C7: variants seen among roughly 807,000 people sequenced by gnomAD.
The protein encoded by C7 is complement C7, also known as complement component C7.
A neutral mutation model predicts 104.8 loss-of-function variants in C7; 83 were observed. That is an observed-to-expected ratio of 0.79 (90% CI 0.66 to 0.95). The LOEUF (loss-of-function observed/expected upper bound fraction) is 0.95. Ranked by LOEUF, C7 falls within the 40% of genes least tolerant of loss-of-function variation. The probability of loss-of-function intolerance (pLI) is 0.00; values close to 1 mark genes in which losing one functional copy is unlikely to be tolerated. For synonymous variants in C7, 415 were observed against 360.6 expected, an observed-to-expected ratio of 1.15 and a Z score of -1.71; for missense variants, 1,070 against 1,011.2, an observed-to-expected ratio of 1.06 and a Z score of -0.79.
At chr5:40,943,625 C>A (rs906298489) in intron 6 of C7, among the ~76,000 whole-genome samples, 1 of 148,954 alleles carries the variant, frequency 6.7e-6, no homozygotes. Flanking sequence ...AGATAATAAA[C>A]TAAATATTTT....
At chr5:40,981,321 T>C in intron 17 of C7, 71 bp from the exon 18 acceptor site, 2 of 1,370,856 alleles carry the variant, frequency 1.5e-6, no homozygotes, top group East Asian at 2.5e-5. Flanking sequence ...CATTATTACT[T>C]TGGAGGTGAT....
Position 40,934,486 on chromosome 5 carries a change from C to T in C7, c.280+20C>T, listed in dbSNP as rs1021163289. The stretch of plus-strand genomic sequence containing the variant: ...TTTCAGGTAACTTGTTTTCCATAGG[C>T]TCAGCATGCAGATTGTAAATTCAAA... On this transcript the variant is annotated intron_variant, in intron 4 of 17. Transcript: ENST00000313164. 6.2e-7 allele frequency: 1 copy of T among 1,611,370 alleles called. No individual in the cohort carries two copies. The highest frequency in any genetic ancestry group is 8.5e-7 in the Non-Finnish European group (1 of 1,178,120).
intron 4 of C7, 147 bp downstream of exon 4, chr5:40,934,613 A>T: frequency 1.3e-6 from 1 of 788,010 alleles, no homozygotes; most frequent in Non-Finnish European, 2.1e-6. Flanking sequence ...TTTTGTTGGT[A>T]TGTTAATCAT....
Position 40,937,647 on chromosome 5 carries a change from A to C in C7, c.524A>C (p.Asp175Ala). The change falls in exon 6 of 18, where the codon GAT becomes GCT. Residue 175 changes from aspartate to alanine, a missense_variant. Physicochemically the swap from Asp to Ala is moderately radical, Grantham distance 126. Coordinates refer to ENST00000313164, the MANE Select transcript of C7 (RefSeq NM_000587.4). Reference sequence around the variant, plus strand: ...AAGGTGTTTAGTGGGGATGGAAAAGATTTCTACAGGCTGAGTGGAAATGTC... The same window carrying C: ...AAGGTGTTTAGTGGGGATGGAAAAGCTTTCTACAGGCTGAGTGGAAATGTC... The part of the protein sequence containing the change: ...CRKVFSGDGK[D>A]FYRLSGNVLS... The C allele has an allele frequency of 1.2e-6, 2 of 1,608,164 alleles. No individual in the cohort carries two copies. The highest frequency in any genetic ancestry group is 1.7e-6 in the Non-Finnish European group (2 of 1,176,670).
chr5:40,919,720 TA>T (rs1363030695), intron 1 of C7, among the ~76,000 whole-genome samples: 1 of 151,924 alleles, frequency 6.6e-6, no homozygotes, highest in Non-Finnish European at 1.5e-5. Context: ...CAACAACCAA[TA>T]GGTCAATGAA....
At position 40,959,566 on chromosome 5, in the gene C7, T is replaced by C. The variant is rs767888015; in HGVS notation, c.1607T>C (p.Val536Ala). Residue 536 changes from valine (V) to alanine (A), a missense_variant, in exon 12 of 18, where the codon GTT becomes GCT. Coordinates refer to ENST00000313164, the MANE Select transcript of C7 (RefSeq NM_000587.4). ...PPPSGGGRSC[V>A]GETTESTQCE... ...CCCAGTGGGGGTGGGAGATCCTGCG[T>C]TGGAGAAACGACAGAAAGCACACAA... is the stretch of plus-strand genomic sequence containing the variant. 6.8e-6 allele frequency: 11 copies of C among 1,609,686 alleles called. No individual in the cohort carries two copies. Among genetic ancestry groups the C allele is most frequent in the African/African-American group, 6.7e-5 (5 of 74,714 alleles).
intron 1 of C7, among the ~76,000 whole-genome samples, chr5:40,917,968 C>A (rs1739354934): frequency 6.6e-6 from 1 of 152,022 alleles, no homozygotes; most frequent in African/African-American, 2.4e-5. Flanking sequence ...GAGTTGTATG[C>A]AAAGTTAAGT....
chr5:40,947,306 G>C (rs1441564898), intron 7 of C7, among the ~76,000 whole-genome samples: 3 of 151,546 alleles, frequency 2.0e-5, no homozygotes, highest in Non-Finnish European at 4.4e-5. Flanking sequence ...CATCATGTTG[G>C]CCAGGCTGGT....
rs1338856752 is a variant in C7 at position 40,947,804 on chromosome 5, G to A, written c.941G>A (p.Arg314Lys). 14 of 1,613,212 alleles carry A rather than the reference G, an allele frequency of 8.7e-6. No individual in the cohort carries two copies. The highest frequency in any genetic ancestry group is 1.3e-5 in the African/African-American group (1 of 74,880). The change falls in exon 8 of 18, where the codon AGA (arginine) becomes AAA (lysine). Residue 314 changes from arginine (R) to lysine (K), a missense_variant. By Grantham distance (26) the Arg-to-Lys change is conservative (BLOSUM62 2). Coordinates refer to ENST00000313164, the MANE Select transcript of C7 (RefSeq NM_000587.4). ...TCTGGGTCGTTAGGAGGAGAATACAGAGTTCTATTTTATGTGGACTCAGAA... is the reference window on the plus strand; with the variant it reads ...TCTGGGTCGTTAGGAGGAGAATACAAAGTTCTATTTTATGTGGACTCAGAA... ...LQSGSLGGEY[R>K]VLFYVDSEKL...
rs560328365 is a variant in C7, at chr5:40,983,379, G to A, written c.*1806G>A. ...CCTTCCTAAATAATACAGAGGATATGGTCAGCATTATCACATATCATCAGA... is the reference window on the plus strand; with the variant it reads ...CCTTCCTAAATAATACAGAGGATATAGTCAGCATTATCACATATCATCAGA... On this transcript the variant is annotated 3_prime_UTR_variant, in exon 18 of 18. Transcript: ENST00000313164. Among the ~76,000 whole-genome samples, 42 of 152,064 alleles carry A rather than the reference G, an allele frequency of 2.8e-4. No homozygotes were observed. The highest frequency in any genetic ancestry group is 5.0e-4 in the Non-Finnish European group (34 of 68,024).
At chr5:40,919,231 C>T (rs1282916577) in intron 1 of C7, among the ~76,000 whole-genome samples, 2 of 151,380 alleles carry the variant, frequency 1.3e-5, no homozygotes, top group Non-Finnish European at 2.9e-5. Context: ...TCAAGTGATT[C>T]TCCCACCTCA....
At chr5:40,939,165 C>T (rs1365022680) in intron 6 of C7, among the ~76,000 whole-genome samples, 2 of 152,228 alleles carry the variant, frequency 1.3e-5, no homozygotes. Context: ...CTCCAGAAAG[C>T]AGCTTTGATT....
intron 9 of C7, 123 bp from the exon 10 acceptor site, chr5:40,955,264 C>G: frequency 1.1e-6 from 1 of 878,994 alleles, no homozygotes; most frequent in East Asian, 2.5e-5. Context: ...TCCCTTCTTT[C>G]TGACCACAAT....
At chr5:40,972,026 G>C (rs570314268) in intron 14 of C7, 29 of 459,184 alleles carry the variant, frequency 6.3e-5, no homozygotes, top group Admixed American at 1.2e-4. Flanking sequence ...ATATCCAACT[G>C]GATGAAAGTT....
At chr5:40,969,574 G>A (rs1252544992) in intron 14 of C7, among the ~76,000 whole-genome samples, 1 of 152,178 alleles carries the variant, frequency 6.6e-6, no homozygotes, top group African/African-American at 2.4e-5. Flanking sequence ...TTATGTCTGG[G>A]TTATCTCTAT....
At chr5:40,913,553 G>A (rs1465018521) in intron 1 of C7, among the ~76,000 whole-genome samples, 1 of 152,080 alleles carries the variant, frequency 6.6e-6, no homozygotes, top group Non-Finnish European at 1.5e-5. Context: ...GGAGAGTAAT[G>A]GTGCAATCAT....
chr5:40,958,145 G>C lies in C7; in HGVS notation c.1373G>C (p.Arg458Pro), dbSNP rs369303619. 1 of 1,613,686 alleles carries C rather than the reference G, an allele frequency of 6.2e-7. No homozygotes were observed. Among genetic ancestry groups the C allele is most frequent in the South Asian group, 1.1e-5 (1 of 91,068 alleles). ...GATGAATTTGACCCCTGTCATTGCC[G>C]GCCTTGTCAAAATGGTGGTTTGGCT... ...YLDEFDPCHCRPCQNGGLATV... is the reference protein window; with the variant it reads ...YLDEFDPCHCPPCQNGGLATV... The change falls in exon 11 of 18, where the codon CGG becomes CCG. Residue 458 changes from arginine to proline, a missense_variant. By Grantham distance (103) the Arg-to-Pro change is moderately radical (BLOSUM62 -2). Coordinates refer to ENST00000313164, the MANE Select transcript of C7 (RefSeq NM_000587.4).
rs566013887 is a variant in C7, at chr5:40,916,924, A to G, written c.6+7308A>G. On this transcript the variant is annotated intron_variant, in intron 1 of 17. Coordinates refer to ENST00000313164, the MANE Select transcript of C7 (RefSeq NM_000587.4). ...TCTTAGGAGTTTTTAAGAATATAAT[A>G]CATTGTTCTAGAGCAGCCTGGCCAA... is the stretch of plus-strand genomic sequence containing the variant. 6.6e-5 allele frequency among the ~76,000 whole-genome samples: 10 copies of G among 152,082 alleles called. No homozygotes were observed. In the East Asian group the frequency reaches 1.9e-3, roughly 29 times the overall value.
chr5:40,949,432 T>G (rs1385997684), intron 8 of C7, among the ~76,000 whole-genome samples: 2 of 151,248 alleles, frequency 1.3e-5, no homozygotes, highest in Non-Finnish European at 2.9e-5. Flanking sequence ...GTATAAGTCA[T>G]GGGAAGGAGA....
Sources: allele counts gnomAD v4.1 joint callset (sites outside exome capture counted in the v4.1 genomes callset), GRCh38; gene constraint gnomAD v4.1.1; transcripts MANE v1.5; gene names NCBI Gene and HGNC (gene_info 2026-07-23, HGNC 2026-07-21).